GSK3B: variants seen among roughly 807,000 people sequenced by gnomAD.
GSK3B encodes the protein glycogen synthase kinase-3 beta.
In GSK3B, 15 loss-of-function variants were observed where a neutral mutation model predicts 56.4. That is an observed-to-expected ratio of 0.27 (90% CI 0.18 to 0.41). GSK3B has a LOEUF of 0.41. GSK3B is among the 10% of genes least tolerant of loss of function. The pLI is 1.00. For missense variants in GSK3B, 300 were observed against 513.4 expected, an observed-to-expected ratio of 0.58 and a Z score of 4.02; for synonymous variants, 181 against 188.9, an observed-to-expected ratio of 0.96 and a Z score of 0.34.
chr3:120,050,723 T>C (rs1350352511), intron 1 of GSK3B, among the ~76,000 whole-genome samples: 1 of 152,202 alleles, frequency 6.6e-6, no homozygotes, highest in East Asian at 1.9e-4. Context: ...TTTAACATGT[T>C]CAGTTTAAAG....
chr3:119,913,877 A>T (rs923064037), intron 5 of GSK3B, among the ~76,000 whole-genome samples: 3 of 152,124 alleles, frequency 2.0e-5, no homozygotes, highest in African/African-American at 7.2e-5. Flanking sequence ...ATTAATAAAT[A>T]CTAATCCCTG....
intron 2 of GSK3B, among the ~76,000 whole-genome samples, chr3:119,954,403 G>C (rs2057192011): frequency 8.0e-6 from 1 of 125,734 alleles, no homozygotes; most frequent in Non-Finnish European, 1.6e-5. Context: ...ATACAGTAAG[G>C]GTTTTTTTCA....
At chr3:119,844,635 A>G (rs2055830374) in intron 9 of GSK3B, among the ~76,000 whole-genome samples, 1 of 152,244 alleles carries the variant, frequency 6.6e-6, no homozygotes, top group Non-Finnish European at 1.5e-5. Flanking sequence ...ACCAAGAAGA[A>G]GTTGAATCTC....
chr3:120,083,504 AT>A (rs1366583159), intron 1 of GSK3B, among the ~76,000 whole-genome samples: 32 of 152,320 alleles, frequency 2.1e-4, no homozygotes, highest in African/African-American at 7.5e-4. Flanking sequence ...TACAAACAGT[AT>A]TTAAAAAAAA....
chr3:119,984,509 G>A (rs141283225), intron 2 of GSK3B, among the ~76,000 whole-genome samples: 3,221 of 151,832 alleles, frequency 0.021, 109 homozygotes, highest in African/African-American at 0.072. Context: ...TCAAATATAC[G>A]CAATAAAAAA....
chr3:119,884,335 T>A (rs1215829902), intron 7 of GSK3B, among the ~76,000 whole-genome samples: 1 of 152,160 alleles, frequency 6.6e-6, no homozygotes, highest in East Asian at 1.9e-4. Context: ...AAGCCGACCA[T>A]AATCACCTGA....
chr3:119,842,377 T>G (rs1385502096), intron 10 of GSK3B, among the ~76,000 whole-genome samples: 1 of 152,104 alleles, frequency 6.6e-6, no homozygotes, highest in African/African-American at 2.4e-5. Flanking sequence ...TTAAACATAT[T>G]TGCATTGCAG....
chr3:119,865,467 T>TATATATATATATATATA (rs1491089884), intron 8 of GSK3B, among the ~76,000 whole-genome samples: 10 of 20,974 alleles, frequency 4.8e-4, no homozygotes, highest in South Asian at 2.2e-3. Flanking sequence ...TATATATATA[T>TATATATATATATATATA]TTTTTTTTTT....
chr3:120,083,359 C>A (rs2058438000), intron 1 of GSK3B, among the ~76,000 whole-genome samples: 1 of 152,026 alleles, frequency 6.6e-6, no homozygotes, highest in Non-Finnish European at 1.5e-5. Flanking sequence ...ACAACTAGAT[C>A]AGATCCCAGC....
intron 5 of GSK3B, among the ~76,000 whole-genome samples, chr3:119,913,863 A>G (rs572769876): frequency 6.6e-6 from 1 of 152,114 alleles, no homozygotes; most frequent in Non-Finnish European, 1.5e-5. Flanking sequence ...TAACCATTTC[A>G]TAAATTAATA....
At chr3:119,849,438 T>C (rs533476561) in intron 9 of GSK3B, among the ~76,000 whole-genome samples, 48 of 152,280 alleles carry the variant, frequency 3.2e-4, no homozygotes, top group African/African-American at 1.1e-3. Context: ...AACCTAAAAA[T>C]GAAAAGAGGA....
At chr3:119,855,867 T>C (rs2056015484) in intron 9 of GSK3B, among the ~76,000 whole-genome samples, 1 of 151,916 alleles carries the variant, frequency 6.6e-6, no homozygotes, top group Non-Finnish European at 1.5e-5. Flanking sequence ...GTAGGAGAAA[T>C]ACCTAATGTA....
intron 1 of GSK3B, among the ~76,000 whole-genome samples, chr3:120,039,949 C>T (rs7650554): frequency 0.1 from 15,926 of 152,156 alleles, 941 homozygotes; most frequent in African/African-American, 0.17. Flanking sequence ...TGAAGAGGTG[C>T]GCCCCACTGC....
chr3:120,037,019 T>C (rs1457176357), intron 1 of GSK3B, among the ~76,000 whole-genome samples: 1 of 152,214 alleles, frequency 6.6e-6, no homozygotes. Flanking sequence ...AAGTCTGTGA[T>C]AACTCAGCAG....
chr3:119,839,259 C>T (rs976919289), intron 10 of GSK3B, among the ~76,000 whole-genome samples: 2 of 152,094 alleles, frequency 1.3e-5, no homozygotes, highest in Admixed American at 6.6e-5. Flanking sequence ...ATCTGAAAGC[C>T]ATTTAACAGC....
intron 9 of GSK3B, among the ~76,000 whole-genome samples, chr3:119,862,640 T>C (rs1225934427): frequency 1.3e-5 from 2 of 150,898 alleles, no homozygotes; most frequent in Admixed American, 6.6e-5. Context: ...TGAGTATGCT[T>C]ACTAATCAAT....
chr3:119,870,863 T>C (rs375818234), intron 8 of GSK3B, among the ~76,000 whole-genome samples: 22 of 152,242 alleles, frequency 1.4e-4, no homozygotes, highest in South Asian at 1.2e-3. Context: ...TAGGAGCCAA[T>C]AGAAATCCCC....
chr3:119,957,842 A>C (rs905305866), intron 2 of GSK3B, among the ~76,000 whole-genome samples: 4 of 152,224 alleles, frequency 2.6e-5, no homozygotes, highest in Non-Finnish European at 5.9e-5. Flanking sequence ...ACTCAATTCC[A>C]TTTATTACTA....
intron 3 of GSK3B, among the ~76,000 whole-genome samples, chr3:119,927,644 T>C (rs943000128): frequency 2.0e-5 from 3 of 152,132 alleles, no homozygotes; most frequent in African/African-American, 7.2e-5. Context: ...TTATATTACA[T>C]AGGTGGTTGC....
Sources: gnomAD v4.1 joint callset for allele counts (sites outside exome capture counted in the v4.1 genomes callset) on GRCh38, gnomAD v4.1.1 for gene constraint, MANE v1.5 for transcripts, NCBI Gene and HGNC (gene_info 2026-07-23, HGNC 2026-07-21) for gene names.